ELMO1: variants seen among roughly 807,000 people sequenced by gnomAD.
The protein encoded by ELMO1 is engulfment and cell motility 1.
In ELMO1, 26 loss-of-function variants were observed where a neutral mutation model predicts 98.9. The ratio of observed to expected loss-of-function variants is 0.26; its 90% confidence interval spans 0.19 to 0.36. ELMO1 has a LOEUF of 0.36. Among genes scored for constraint, ELMO1 ranks in the 10% least tolerant of loss-of-function variants. The pLI is 1.00. For synonymous variants in ELMO1, 346 were observed against 346.0 expected, an observed-to-expected ratio of 1.00 and a Z score of 0.00; for missense variants, 627 against 935.2, an observed-to-expected ratio of 0.67 and a Z score of 4.30.
At chr7:37,447,530 C>G (rs1177224273) in intron 1 of ELMO1, among the ~76,000 whole-genome samples, 2 of 151,946 alleles carry the variant, frequency 1.3e-5, no homozygotes, top group African/African-American at 4.8e-5. Context: ...AGGTCCCGAC[C>G]CGCCTCCAAC....
At chr7:37,407,504 T>A (rs1449413780) in intron 1 of ELMO1, among the ~76,000 whole-genome samples, 1 of 130,192 alleles carries the variant, frequency 7.7e-6, no homozygotes, top group Admixed American at 8.4e-5. Context: ...TGAAACTCCA[T>A]CTCAAAAAAA....
intron 15 of ELMO1, among the ~76,000 whole-genome samples, chr7:37,070,633 C>A (rs1304205097): frequency 1.3e-5 from 2 of 152,186 alleles, no homozygotes; most frequent in African/African-American, 2.4e-5. Flanking sequence ...GTGTCTTGAG[C>A]AAGGCTTTCT....
At chr7:37,273,031 C>CA (rs1796653922) in intron 4 of ELMO1, among the ~76,000 whole-genome samples, 1 of 152,222 alleles carries the variant, frequency 6.6e-6, no homozygotes, top group Non-Finnish European at 1.5e-5. Context: ...ACGTCTGTCT[C>CA]AGTAAAGCTG....
chr7:37,352,552 C>T (rs1801320055), intron 1 of ELMO1, among the ~76,000 whole-genome samples: 1 of 152,202 alleles, frequency 6.6e-6, no homozygotes, highest in African/African-American at 2.4e-5. Flanking sequence ...CATCTTGCGG[C>T]ACACGTTTCT....
intron 15 of ELMO1, among the ~76,000 whole-genome samples, chr7:37,061,703 C>T (rs371824649): frequency 6.6e-6 from 1 of 151,996 alleles, no homozygotes; most frequent in African/African-American, 2.4e-5. Flanking sequence ...CCTTTTATAA[C>T]GAGCATGGAT....
chr7:36,989,718 A>C (rs1791746468), intron 16 of ELMO1, among the ~76,000 whole-genome samples: 1 of 152,196 alleles, frequency 6.6e-6, no homozygotes, highest in African/African-American at 2.4e-5. Context: ...TAGACAGCAC[A>C]GTCTGGTGCT....
At chr7:37,080,762 T>C (rs1797829370) in intron 15 of ELMO1, among the ~76,000 whole-genome samples, 1 of 151,926 alleles carries the variant, frequency 6.6e-6, no homozygotes, top group Admixed American at 6.6e-5. Flanking sequence ...CCCTCTAGCC[T>C]ACTCTTATAC....
At chr7:37,272,369 A>C (rs1276218634) in intron 4 of ELMO1, among the ~76,000 whole-genome samples, 1 of 152,224 alleles carries the variant, frequency 6.6e-6, no homozygotes, top group Non-Finnish European at 1.5e-5. Flanking sequence ...TTAGTAAGTC[A>C]TAAAAAAGGA....
chr7:37,381,553 T>G (rs1802581941), intron 1 of ELMO1, among the ~76,000 whole-genome samples: 1 of 152,220 alleles, frequency 6.6e-6, no homozygotes, highest in Admixed American at 6.5e-5. Context: ...CCCAGAGTAC[T>G]TACAATAACA....
intron 1 of ELMO1, among the ~76,000 whole-genome samples, chr7:37,363,123 C>T (rs1801761070): frequency 1.3e-5 from 2 of 152,122 alleles, no homozygotes; most frequent in Non-Finnish European, 2.9e-5. Context: ...CTGATGACTT[C>T]GGGGCCCTCT....
chr7:37,237,596 C>A (rs1048279327), intron 7 of ELMO1, among the ~76,000 whole-genome samples: 1 of 152,058 alleles, frequency 6.6e-6, no homozygotes, highest in East Asian at 1.9e-4. Context: ...GGCCCCAATA[C>A]AGAATTTGAA....
chr7:37,223,345 A>C (rs949033532), intron 9 of ELMO1, among the ~76,000 whole-genome samples: 1 of 152,214 alleles, frequency 6.6e-6, no homozygotes, highest in African/African-American at 2.4e-5. Flanking sequence ...GGAATAACTT[A>C]TCAGGCCAGT....
intron 2 of ELMO1, among the ~76,000 whole-genome samples, chr7:37,320,917 G>A (rs370275426): frequency 2.2e-4 from 34 of 152,304 alleles, no homozygotes; most frequent in Admixed American, 2.1e-3. Flanking sequence ...GTGAGCAGCC[G>A]CTGGCCATAA....
chr7:37,361,345 A>G (rs1801690748), intron 1 of ELMO1, among the ~76,000 whole-genome samples: 1 of 152,230 alleles, frequency 6.6e-6, no homozygotes, highest in Admixed American at 6.5e-5. Flanking sequence ...ATAGAAGTAA[A>G]TCCGGAGTGA....
At chr7:37,095,907 G>T (rs965634932) in intron 15 of ELMO1, among the ~76,000 whole-genome samples, 1 of 152,194 alleles carries the variant, frequency 6.6e-6, no homozygotes, top group African/African-American at 2.4e-5. Context: ...GCTTCTAGAT[G>T]TTGGATGGAA....
At chr7:37,172,836 G>C (rs1304919451) in intron 13 of ELMO1, among the ~76,000 whole-genome samples, 1 of 152,194 alleles carries the variant, frequency 6.6e-6, no homozygotes, top group Non-Finnish European at 1.5e-5. Context: ...CTGCATGCTT[G>C]ATACAGCAAA....
At chr7:37,118,201 A>C (rs1487784308) in intron 14 of ELMO1, among the ~76,000 whole-genome samples, 1 of 152,008 alleles carries the variant, frequency 6.6e-6, no homozygotes, top group Non-Finnish European at 1.5e-5. Context: ...CTCCACCAGC[A>C]CCCTGCCTTA....
chr7:36,853,737 G>A lies in ELMO1; in HGVS notation c.*1814C>T, dbSNP rs1584251705. Among the ~76,000 whole-genome samples the A allele has an allele frequency of 2.0e-5, 3 of 152,208 alleles. No individual in the cohort carries two copies. The South Asian group carries it at 6.2e-4, about 31-fold the overall frequency. ...GAGAAATGACCTGGATGCTTCCACA[G>A]CTTGTGCTGTGAGGCCAGAGTGGCT... On this transcript the variant is annotated 3_prime_UTR_variant, in exon 22 of 22. Coordinates refer to ENST00000310758, the MANE Select transcript of ELMO1 (RefSeq NM_014800.11).
chr7:37,043,013 A>G (rs74336212), intron 15 of ELMO1, among the ~76,000 whole-genome samples: 5,431 of 152,338 alleles, frequency 0.036, 114 homozygotes, highest in Middle Eastern at 0.078. Flanking sequence ...GTAGTTCATT[A>G]TCGTGTCCAC....
Sources: gnomAD v4.1 joint callset for allele counts (sites outside exome capture counted in the v4.1 genomes callset) on GRCh38, gnomAD v4.1.1 for gene constraint, MANE v1.5 for transcripts, NCBI Gene and HGNC (gene_info 2026-07-23, HGNC 2026-07-21) for gene names.